The following DNAH12 variants were observed in gnomAD, a reference collection of about 807,000 sequenced individuals.
DNAH12 encodes the protein axonemal beta dynein heavy chain 12.
A neutral mutation model predicts 371.5 loss-of-function variants in DNAH12; 285 were observed. The ratio of observed to expected loss-of-function variants is 0.77; its 90% CI spans 0.70 to 0.85. DNAH12 has a LOEUF of 0.85. Among genes scored for constraint, DNAH12 ranks in the 40% least tolerant of loss-of-function variants. The pLI, the probability that DNAH12 is intolerant of heterozygous loss-of-function variation, is 0.00. For synonymous variants in DNAH12, 1,200 were observed against 1,213.0 expected (o/e 0.99, Z 0.22); for missense variants, 3,611 against 3,689.4 (o/e 0.98, Z 0.55).
chr3:57,548,598 TG>T (rs1288449538), upstream of DNAH12, among the ~76,000 whole-genome samples: 1 of 152,048 alleles, frequency 6.6e-6, no homozygotes, highest in Non-Finnish European at 1.5e-5. Flanking sequence ...CCCAGCTACT[TG>T]GCAGACTGAG....
Position 57,334,899 on chromosome 3 carries a change from A to G in DNAH12, c.9716T>C (p.Leu3239Ser). ...EIEYQELMFL[L>S]TGGVSLKSAE... ...ACTTTTAAGACTTACTCCTCCAGTT[A>G]AAAGAAACATCAGTTCCTGGTATTC... Residue 3239 changes from leucine to serine, a missense_variant, in exon 61 of 74, where the codon TTA (leucine) becomes TCA (serine). Leu to Ser is a moderately radical substitution (Grantham distance 145). Coordinates refer to ENST00000495027, the MANE Select transcript of DNAH12 (RefSeq NM_001366028.2). 1 of 1,551,596 alleles carries G rather than the reference A, an allele frequency of 6.4e-7. No homozygotes were observed. Among genetic ancestry groups the G allele is most frequent in the Non-Finnish European group, 8.7e-7 (1 of 1,146,952 alleles).
chr3:57,454,911 A>T lies in DNAH12; in HGVS notation c.3337-17T>A, dbSNP rs1165844593. 1 of 1,530,912 alleles carries T rather than the reference A, an allele frequency of 6.5e-7. No individual in the cohort carries two copies. Among genetic ancestry groups the T allele is most frequent in the African/African-American group, 1.4e-5 (1 of 71,704 alleles). The allele number at this position is 1,530,912 out of a possible 1,614,324, so 94.8% of individuals were successfully genotyped here. On this transcript the variant is annotated splice_polypyrimidine_tract_variant and intron_variant, in intron 22 of 73. Coordinates refer to ENST00000495027, the MANE Select transcript of DNAH12 (RefSeq NM_001366028.2). The stretch of plus-strand genomic sequence containing the variant: ...TGGATAAGCCTGAACAATTAAAATA[A>T]ATTTCTAACTTTAAAAGCTTGAATG...
chr3:57,295,917 C>T (rs1357538494), intron 72 of DNAH12, among the ~76,000 whole-genome samples: 1 of 152,122 alleles, frequency 6.6e-6, no homozygotes, highest in Non-Finnish European at 1.5e-5. Flanking sequence ...GCTTAATTTC[C>T]TGAGTGAAGC....
At chr3:57,298,992 G>A (rs1435906388) in intron 70 of DNAH12, among the ~76,000 whole-genome samples, 1 of 152,186 alleles carries the variant, frequency 6.6e-6, no homozygotes, top group Non-Finnish European at 1.5e-5. Flanking sequence ...TTGTCTCTGA[G>A]CAGGCAATAC....
chr3:57,508,238 T>C, intron 7 of DNAH12, 144 bp downstream of exon 7: 1 of 873,904 alleles, frequency 1.1e-6, no homozygotes, highest in Admixed American at 3.9e-5. Context: ...ACACAATTGT[T>C]GAAACAAACA....
chr3:57,470,963 T>C (rs921240185), intron 15 of DNAH12, among the ~76,000 whole-genome samples: 2 of 151,550 alleles, frequency 1.3e-5, no homozygotes, highest in African/African-American at 4.8e-5. Flanking sequence ...CACCTCAAAC[T>C]CCCAAAGTGC....
In DNAH12 at chr3:57,504,036, G is replaced by A. The variant is rs1168567849; in HGVS notation, c.1066C>T (p.Arg356Ter). The change falls in exon 9 of 74, where the codon CGA (arginine) becomes TGA (stop). Residue 356 changes from arginine (R) to a stop codon, truncating the protein, a stop_gained. Coordinates refer to ENST00000495027, the MANE Select transcript of DNAH12 (RefSeq NM_001366028.2). LOFTEE classifies it high-confidence loss of function. ...LEDNVLSLVE[R>*]IAEALQNVQT... ...AATACCTGCAGAGCTTCGGCTATTC[G>A]TTCCACCAAACTCAAGACATTATCT... 3.7e-6 allele frequency: 6 copies of A among 1,612,632 alleles called. No homozygotes were observed. The highest frequency in any genetic ancestry group is 2.2e-5 in the South Asian group (2 of 90,972).
At chr3:57,526,418 TA>T (rs781347946) in intron 2 of DNAH12, among the ~76,000 whole-genome samples, 117 of 152,280 alleles carry the variant, frequency 7.7e-4, no homozygotes, top group South Asian at 2.1e-3. Context: ...TGTTTTGTTT[TA>T]TTTTTTTTAG....
chr3:57,517,299 T>C (rs2068234852), intron 4 of DNAH12, among the ~76,000 whole-genome samples: 2 of 152,194 alleles, frequency 1.3e-5, no homozygotes, highest in Non-Finnish European at 2.9e-5. Flanking sequence ...CATTAAAGTA[T>C]AAGCTTCATA....
intron 65 of DNAH12, among the ~76,000 whole-genome samples, chr3:57,316,775 TTC>T (rs779625836): frequency 6.6e-5 from 10 of 152,168 alleles, no homozygotes; most frequent in Non-Finnish European, 7.3e-5. Flanking sequence ...TCCTTTGCTG[TTC>T]TCTCTCCTGC....
At chr3:57,328,350 A>G (rs2062000838) in intron 62 of DNAH12, among the ~76,000 whole-genome samples, 1 of 149,146 alleles carries the variant, frequency 6.7e-6, no homozygotes, top group African/African-American at 2.5e-5. Flanking sequence ...CACATCAAAA[A>G]GCTTATCCAC....
At chr3:57,490,734 G>A (rs1276319752) in intron 11 of DNAH12, among the ~76,000 whole-genome samples, 1 of 151,964 alleles carries the variant, frequency 6.6e-6, no homozygotes, top group African/African-American at 2.4e-5. Flanking sequence ...GTTCAAGGGG[G>A]AAGATAATAA....
chr3:57,383,896 T>A (rs1466010759), intron 49 of DNAH12, among the ~76,000 whole-genome samples: 1 of 152,194 alleles, frequency 6.6e-6, no homozygotes, highest in African/African-American at 2.4e-5. Flanking sequence ...CAATCTTGTC[T>A]TATAACTACA....
At chr3:57,318,322 G>C (rs1256865724) in intron 65 of DNAH12, among the ~76,000 whole-genome samples, 4 of 152,084 alleles carry the variant, frequency 2.6e-5, no homozygotes, top group Non-Finnish European at 5.9e-5. Flanking sequence ...TCCATTTTGA[G>C]TTGATTTTTA....
the DNAH12 span, among the ~76,000 whole-genome samples, chr3:57,553,302 C>G: frequency 6.4e-4 from 97 of 152,332 alleles, 1 homozygote; most frequent in African/African-American, 2.2e-3. Flanking sequence ...TCCCTTTGTC[C>G]TTCTCCAACC....
intron 30 of DNAH12, among the ~76,000 whole-genome samples, chr3:57,436,316 T>C (rs2065123501): frequency 6.6e-6 from 1 of 152,148 alleles, no homozygotes; most frequent in South Asian, 2.1e-4. Flanking sequence ...TGCTTATGGC[T>C]CCTTAGATGA....
chr3:57,444,650 G>A (rs548548587), intron 29 of DNAH12, 47 bp downstream of exon 29: 32 of 1,538,782 alleles, frequency 2.1e-5, no homozygotes, highest in Middle Eastern at 1.8e-4. Context: ...TTGAGTCATC[G>A]GATGAATTTA....
intron 60 of DNAH12, among the ~76,000 whole-genome samples, chr3:57,348,116 GA>G (rs1553658768): frequency 2.0e-5 from 3 of 152,134 alleles, no homozygotes; most frequent in Non-Finnish European, 4.4e-5. Context: ...AAGCAACTAA[GA>G]TGTCCATCAG....
intron 62 of DNAH12, among the ~76,000 whole-genome samples, chr3:57,332,395 T>C (rs1402189090): frequency 6.6e-6 from 1 of 152,210 alleles, no homozygotes; most frequent in Non-Finnish European, 1.5e-5. Context: ...GGATTTACCC[T>C]ACTACCACAA....
Sources: gnomAD v4.1 joint callset for allele counts (sites outside exome capture counted in the v4.1 genomes callset) on GRCh38, gnomAD v4.1.1 for gene constraint, MANE v1.5 for transcripts, NCBI Gene and HGNC (gene_info 2026-07-23, HGNC 2026-07-21) for gene names.